TET2: variants seen among roughly 807,000 people sequenced by gnomAD.
TET2 encodes the protein tet methylcytosine dioxygenase 2, also known as methylcytosine dioxygenase TET2.
In TET2, 299 loss-of-function variants were observed where a neutral mutation model predicts 142.9. That is an observed-to-expected ratio of 2.09 (90% CI 1.90 to 2.30). The LOEUF (loss-of-function observed/expected upper bound fraction) is 2.30. TET2 is among the 30% of genes most tolerant of loss of function. The pLI, the probability that TET2 is intolerant of heterozygous loss-of-function variation, is 0.00. For missense variants in TET2, 2,418 were observed against 2,378.0 expected (o/e 1.02, Z -0.35); for synonymous variants, 819 against 849.0 (o/e 0.96, Z 0.61).
chr4:105,234,421 T>A lies in TET2; in HGVS notation c.479T>A (p.Val160Asp). The change falls in exon 3 of 11, where the codon GTT (valine) becomes GAT (aspartate). Residue 160 changes from valine (V) to aspartate (D), a missense_variant. Coordinates refer to ENST00000380013, the MANE Select transcript of TET2 (RefSeq NM_001127208.3). The part of the protein sequence containing the change: ...SVSSVAQENA[V>D]KDFTSFSTHN... ...AGTTCTGTAGCCCAAGAAAATGCAG[T>A]TAAAGATTTCACCAGTTTTTCAACA... 1.2e-6 allele frequency: 2 copies of A among 1,613,966 alleles called. No homozygotes were observed. Among genetic ancestry groups the A allele is most frequent in the Non-Finnish European group, 1.7e-6 (2 of 1,179,994 alleles).
chr4:105,231,667 A>G (rs10022126), intron 2 of TET2, among the ~76,000 whole-genome samples: 13,365 of 152,174 alleles, frequency 0.088, 1,704 homozygotes, highest in African/African-American at 0.28. Flanking sequence ...TTTCTTGTTT[A>G]TCAAGAAATA....
chr4:105,274,879 T>C (rs914801869), intron 10 of TET2, among the ~76,000 whole-genome samples, 169 bp from the exon 11 acceptor site: 1 of 152,188 alleles, frequency 6.6e-6, no homozygotes, highest in Admixed American at 6.6e-5. Flanking sequence ...GACAAAAAAT[T>C]GTGCTGGACA....
chr4:105,173,545 A>G (rs148171001), intron 1 of TET2, among the ~76,000 whole-genome samples: 33 of 152,238 alleles, frequency 2.2e-4, no homozygotes, highest in African/African-American at 7.9e-4. Flanking sequence ...ACAAACAAAA[A>G]AGACTCAATC....
intron 2 of TET2, among the ~76,000 whole-genome samples, chr4:105,205,166 AAG>A (rs1411243803): frequency 6.6e-6 from 1 of 152,202 alleles, no homozygotes; most frequent in Non-Finnish European, 1.5e-5. Context: ...TCTTTGAACA[AAG>A]AGTTATTTAG....
In TET2 at chr4:105,235,601, GC is replaced by G; in HGVS notation, c.1664del (p.Pro555GlnfsTer6). 6.2e-7 allele frequency: 1 copy of G among 1,614,156 alleles called. No individual in the cohort carries two copies. The highest frequency in any genetic ancestry group is 8.5e-7 in the Non-Finnish European group (1 of 1,180,010). Reference protein sequence around the residue: ...RDKEQTRDLVPPTQHYLKPGW... With the variant: ...RDKEQTRDLVXPTQHYLKPGW... ...ACAAGGAGCAAACACGAGATCTTGT[GC>G]CCCCAACACAGCACTATCTGAAACC... On this transcript the variant is annotated frameshift_variant, in exon 3 of 11. Transcript: ENST00000380013. LOFTEE classifies it high-confidence loss of function.
intron 4 of TET2, 101 bp from the exon 5 acceptor site, chr4:105,242,733 G>T (rs939318961): frequency 8.6e-5 from 129 of 1,494,184 alleles, no homozygotes; most frequent in Non-Finnish European, 1.1e-4. Context: ...CTCAGGATGT[G>T]GTCATAGAAT....
At chr4:105,162,691 G>A (rs1404835971) in intron 1 of TET2, among the ~76,000 whole-genome samples, 1 of 152,138 alleles carries the variant, frequency 6.6e-6, no homozygotes, top group East Asian at 1.9e-4. Flanking sequence ...TGCCTTCATA[G>A]AAACAGTTGG....
chr4:105,277,216 C>A lies in TET2; in HGVS notation c.*697C>A. On this transcript the variant is annotated 3_prime_UTR_variant, in exon 11 of 11. Coordinates refer to ENST00000380013, the MANE Select transcript of TET2 (RefSeq NM_001127208.3). ...CAGTGCCCTTGAATAATAGGGGTAC[C>A]TTTTCATTCAAGTTTTTATCATAAT... The A allele has an allele frequency of 4.4e-6, 1 of 228,752 alleles. No individual in the cohort carries two copies. Among genetic ancestry groups the A allele is most frequent in the East Asian group, 6.3e-5 (1 of 15,884 alleles). The allele number at this position is 228,752 out of a possible 1,614,324, so 14.2% of individuals were successfully genotyped here.
At chr4:105,256,244 C>T (rs890312897) in intron 6 of TET2, among the ~76,000 whole-genome samples, 18 of 152,064 alleles carry the variant, frequency 1.2e-4, no homozygotes, top group African/African-American at 4.3e-4. Flanking sequence ...GAGGTACTGT[C>T]TAGTGTCCTT....
chr4:105,157,387 C>T (rs1723621142), intron 1 of TET2, among the ~76,000 whole-genome samples: 1 of 152,040 alleles, frequency 6.6e-6, no homozygotes, highest in Non-Finnish European at 1.5e-5. Flanking sequence ...ACACTTTAAA[C>T]CTTGTTTTAT....
At chr4:105,261,960 T>A in intron 8 of TET2, 112 bp downstream of exon 8, 1 of 694,034 alleles carries the variant, frequency 1.4e-6, no homozygotes, top group Non-Finnish European at 2.4e-6. Context: ...TAACTTTTCC[T>A]CTTAATTGTT....
intron 6 of TET2, among the ~76,000 whole-genome samples, chr4:105,247,898 T>C (rs2017763): frequency 6.6e-6 from 1 of 151,818 alleles, no homozygotes; most frequent in African/African-American, 2.4e-5. Flanking sequence ...ATTTTTGTAC[T>C]TTTAGTAGAG....
chr4:105,236,693 A>AAGGTACTT lies in TET2; in HGVS notation c.2752_2759dup (p.Ile921GlyfsTer3). The AAGGTACTT allele has an allele frequency of 6.2e-7, 1 of 1,614,126 alleles. No homozygotes were observed. Among genetic ancestry groups the AAGGTACTT allele is most frequent in the Non-Finnish European group, 8.5e-7 (1 of 1,180,016 alleles). On this transcript the variant is annotated frameshift_variant, in exon 3 of 11. Transcript: ENST00000380013. LOFTEE classifies it high-confidence loss of function. ...AACAAGCTGCGCAACTTGCTCAGCA[A>AAGGTACTT]AGGTACTTGATACATAACCATGCAA...
chr4:105,230,255 G>T (rs1323452269), intron 2 of TET2, among the ~76,000 whole-genome samples: 1 of 152,142 alleles, frequency 6.6e-6, no homozygotes. Flanking sequence ...TGTTGGCCAG[G>T]TTGGTCTAGA....
At position 105,275,646 on chromosome 4, in the gene TET2, A is replaced by G; in HGVS notation, c.5136A>G (p.Arg1712=). The G allele has an allele frequency of 6.4e-7, 1 of 1,551,970 alleles. No homozygotes were observed. Among genetic ancestry groups the G allele is most frequent in the Non-Finnish European group, 8.7e-7 (1 of 1,147,042 alleles). ...QGDGFSSCTI[R]PNVHHVGKLP... ...ATGGTTTCAGCAGTTGTACCATTAG[A>G]CCAAATGTACATCATGTAGGGAAAT... is the stretch of plus-strand genomic sequence containing the variant. The change falls in exon 11 of 11, where the codon AGA becomes AGG. Residue 1712 remains arginine, a synonymous_variant. Transcript: ENST00000380013.
chr4:105,157,709 C>T (rs1056275247), intron 1 of TET2, among the ~76,000 whole-genome samples: 2 of 152,148 alleles, frequency 1.3e-5, no homozygotes, highest in African/African-American at 4.8e-5. Flanking sequence ...TAGAGTCTCA[C>T]TCTCTTGCCC....
At chr4:105,152,620 C>T (rs146978588) in intron 1 of TET2, among the ~76,000 whole-genome samples, 307 of 103,326 alleles carry the variant, frequency 3.0e-3, no homozygotes, top group African/African-American at 9.5e-3. Context: ...TTTTTTGAGA[C>T]GGTATCTTGC....
chr4:105,231,797 A>G (rs1484687054), intron 2 of TET2, among the ~76,000 whole-genome samples: 1 of 152,172 alleles, frequency 6.6e-6, no homozygotes, highest in Admixed American at 6.5e-5. Context: ...ACCTTATACA[A>G]TGGATTAATT....
At chr4:105,164,484 T>A (rs967369752) in intron 1 of TET2, among the ~76,000 whole-genome samples, 3 of 152,232 alleles carry the variant, frequency 2.0e-5, no homozygotes, top group Non-Finnish European at 4.4e-5. Context: ...AAAATTGTAG[T>A]GATTGAATAA....
Sources: gnomAD v4.1 joint callset for allele counts (sites outside exome capture counted in the v4.1 genomes callset) on GRCh38, gnomAD v4.1.1 for gene constraint, MANE v1.5 for transcripts, NCBI Gene and HGNC (gene_info 2026-07-23, HGNC 2026-07-21) for gene names.